The following PLXNA4 variants were observed in gnomAD, a reference collection of about 807,000 sequenced individuals.
PLXNA4 encodes plexin-A4.
Under a neutral mutation model 191.8 loss-of-function variants are expected in PLXNA4, and 44 were observed. That is an observed-to-expected ratio of 0.23 (90% CI 0.18 to 0.29). The LOEUF (loss-of-function observed/expected upper bound fraction) is 0.29. Ranked by LOEUF, PLXNA4 falls within the 10% of genes least tolerant of loss-of-function variation. The pLI is 1.00. For missense variants in PLXNA4, 1,800 were observed against 2,488.8 expected (o/e 0.72, Z 5.89); for synonymous variants, 1,082 against 1,009.5 (o/e 1.07, Z -1.36).
At chr7:132,223,485 CACA>C (rs145924892) in intron 9 of PLXNA4, 39 bp downstream of exon 9, 80,425 of 1,520,790 alleles carry the variant, frequency 0.053, 2,417 homozygotes, top group Non-Finnish European at 0.061. Context: ...GTCCCATGCT[CACA>C]ACAAGAGACA....
intron 30 of PLXNA4, among the ~76,000 whole-genome samples, chr7:132,133,925 G>C (rs1361871170): frequency 6.6e-6 from 1 of 152,170 alleles, no homozygotes; most frequent in Non-Finnish European, 1.5e-5. Context: ...CTGCATAAAA[G>C]AGAAGAGGTA....
chr7:132,466,765 C>CT (rs1160790889), intron 3 of PLXNA4, among the ~76,000 whole-genome samples: 5 of 152,142 alleles, frequency 3.3e-5, no homozygotes, highest in Admixed American at 1.3e-4. Context: ...CATTTTCCTC[C>CT]TTTTTTAACT....
At chr7:132,603,792 T>A (rs10276212) in intron 2 of PLXNA4, among the ~76,000 whole-genome samples, 4 of 152,160 alleles carry the variant, frequency 2.6e-5, no homozygotes, top group Admixed American at 2.0e-4. Flanking sequence ...TCCTTGAGTA[T>A]GGTTTTGAAT....
chr7:132,178,115 T>A (rs1796537849), intron 20 of PLXNA4, among the ~76,000 whole-genome samples: 1 of 152,352 alleles, frequency 6.6e-6, no homozygotes, highest in Middle Eastern at 3.4e-3. Context: ...GTAATTTTTT[T>A]AATACAAGCT....
intron 1 of PLXNA4, among the ~76,000 whole-genome samples, chr7:132,509,233 C>T (rs1014140426): frequency 5.9e-5 from 9 of 152,098 alleles, no homozygotes; most frequent in Admixed American, 2.0e-4. Flanking sequence ...AAGCTTTGTC[C>T]GGTGTTCCCC....
intron 3 of PLXNA4, among the ~76,000 whole-genome samples, chr7:132,446,506 C>T (rs1349551926): frequency 6.6e-6 from 1 of 152,190 alleles, no homozygotes; most frequent in Non-Finnish European, 1.5e-5. Flanking sequence ...TCAAATGGCC[C>T]AGCTGCCCAG....
chr7:132,598,205 T>C (rs528646980), intron 2 of PLXNA4, among the ~76,000 whole-genome samples: 2 of 152,192 alleles, frequency 1.3e-5, no homozygotes, highest in Non-Finnish European at 2.9e-5. Context: ...GCTTCCCGGA[T>C]TCAAGAGATT....
chr7:132,346,184 C>T (rs138059898), intron 3 of PLXNA4, among the ~76,000 whole-genome samples: 4 of 152,292 alleles, frequency 2.6e-5, no homozygotes, highest in African/African-American at 9.6e-5. Flanking sequence ...TGTTTGATGT[C>T]TCCGAGCCTC....
At chr7:132,561,999 GCCT>G (rs1411376158) in intron 1 of PLXNA4, among the ~76,000 whole-genome samples, 2 of 50,920 alleles carry the variant, frequency 3.9e-5, no homozygotes, top group Non-Finnish European at 7.5e-5. Context: ...TTCTTTCTCT[GCCT>G]CCTCCTCCTA....
intron 3 of PLXNA4, among the ~76,000 whole-genome samples, chr7:132,378,729 T>C (rs1204708371): frequency 6.6e-6 from 1 of 152,170 alleles, no homozygotes; most frequent in African/African-American, 2.4e-5. Context: ...ACCTCTGATA[T>C]TCTTTGAGCT....
chr7:132,514,666 C>A (rs1798869375), intron 1 of PLXNA4, among the ~76,000 whole-genome samples: 2 of 152,156 alleles, frequency 1.3e-5, no homozygotes, highest in African/African-American at 4.8e-5. Context: ...ACTCCACCAG[C>A]AGATGGCCTT....
At chr7:132,452,491 C>CA (rs1255672116) in intron 3 of PLXNA4, among the ~76,000 whole-genome samples, 3 of 152,030 alleles carry the variant, frequency 2.0e-5, no homozygotes, top group Non-Finnish European at 2.9e-5. Context: ...TTGGGAAATC[C>CA]AAAAAAACAT....
chr7:132,571,514 A>C (rs1316067928), intron 1 of PLXNA4, among the ~76,000 whole-genome samples: 1 of 152,122 alleles, frequency 6.6e-6, no homozygotes, highest in Non-Finnish European at 1.5e-5. Flanking sequence ...TAGGAGTAAT[A>C]AATGAATGAA....
At chr7:132,530,674 ACT>A (rs1799584934) in intron 1 of PLXNA4, among the ~76,000 whole-genome samples, 1 of 152,248 alleles carries the variant, frequency 6.6e-6, no homozygotes, top group African/African-American at 2.4e-5. Flanking sequence ...ACTGTGGAAA[ACT>A]ATTTGATGGT....
At chr7:132,614,794 G>T (rs1383658215) in intron 2 of PLXNA4, among the ~76,000 whole-genome samples, 1 of 152,118 alleles carries the variant, frequency 6.6e-6, no homozygotes, top group Non-Finnish European at 1.5e-5. Flanking sequence ...GGGAAATGCC[G>T]GAGACACCTC....
chr7:132,312,058 AG>A (rs899153461), intron 3 of PLXNA4, among the ~76,000 whole-genome samples: 4 of 151,798 alleles, frequency 2.6e-5, no homozygotes, highest in African/African-American at 9.7e-5. Context: ...CCCCGCCCTC[AG>A]TTGAGGGGCC....
At chr7:132,445,157 G>GAAAAAAAAAAAAAAAAA (rs71529762) in intron 3 of PLXNA4, among the ~76,000 whole-genome samples, 11 of 53,800 alleles carry the variant, frequency 2.0e-4, no homozygotes, top group Non-Finnish European at 3.3e-4. Flanking sequence ...TCCATCTCAG[G>GAAAAAAAAAAAAAAAAA]AAAAAAAAAA....
chr7:132,293,960 A>G (rs1402961776), intron 4 of PLXNA4, among the ~76,000 whole-genome samples: 1 of 152,236 alleles, frequency 6.6e-6, no homozygotes, highest in African/African-American at 2.4e-5. Context: ...TTGAGTGTTT[A>G]TTAGGTGTCA....
intron 2 of PLXNA4, among the ~76,000 whole-genome samples, chr7:132,595,465 C>A (rs901965048): frequency 6.6e-6 from 1 of 152,114 alleles, no homozygotes; most frequent in Non-Finnish European, 1.5e-5. Flanking sequence ...GAATTCTGTG[C>A]GCATAAGTTT....
Sources: gnomAD v4.1 joint callset for allele counts (sites outside exome capture counted in the v4.1 genomes callset) on GRCh38, gnomAD v4.1.1 for gene constraint, MANE v1.5 for transcripts, NCBI Gene and HGNC (gene_info 2026-07-23, HGNC 2026-07-21) for gene names.